The following APBB1IP variants were observed in gnomAD, a reference collection of about 807,000 sequenced individuals.
APBB1IP encodes the protein amyloid beta A4 precursor protein-binding family B member 1-interacting protein.
Under a neutral mutation model 64.9 loss-of-function variants are expected in APBB1IP, and 27 were observed. That is an observed-to-expected ratio of 0.42 (90% CI 0.31 to 0.57). APBB1IP has a LOEUF of 0.57. Ranked by LOEUF, APBB1IP falls within the 20% of genes least tolerant of loss-of-function variation. APBB1IP has a pLI of 0.20. For missense variants in APBB1IP, 812 were observed against 845.5 expected, an observed-to-expected ratio of 0.96 and a Z score of 0.49; for synonymous variants, 392 against 331.0, an observed-to-expected ratio of 1.18 and a Z score of -2.00.
intron 11 of APBB1IP, among the ~76,000 whole-genome samples, chr10:26,553,107 C>T (rs544120417): frequency 3.9e-5 from 6 of 151,988 alleles, no homozygotes; most frequent in African/African-American, 7.2e-5. Context: ...CTGCAACCTC[C>T]GCCTCCCAGG....
intron 11 of APBB1IP, among the ~76,000 whole-genome samples, chr10:26,548,528 A>G (rs1564375678): frequency 1.3e-5 from 2 of 151,306 alleles, no homozygotes; most frequent in African/African-American, 2.4e-5. Flanking sequence ...TTCTTTTATC[A>G]CTGTTTTATA....
intron 4 of APBB1IP, among the ~76,000 whole-genome samples, chr10:26,498,510 TA>T (rs1284976622): frequency 6.6e-6 from 1 of 152,082 alleles, no homozygotes; most frequent in African/African-American, 2.4e-5. Flanking sequence ...CTCTGTCAAA[TA>T]AATAAATAAA....
At chr10:26,484,860 T>C (rs987512040) in intron 2 of APBB1IP, among the ~76,000 whole-genome samples, 8 of 152,180 alleles carry the variant, frequency 5.3e-5, no homozygotes, top group African/African-American at 1.9e-4. Context: ...AAATTAGTTA[T>C]ATGATGTGAA....
intron 8 of APBB1IP, among the ~76,000 whole-genome samples, chr10:26,527,074 G>A (rs1023978052): frequency 6.6e-6 from 1 of 152,208 alleles, no homozygotes; most frequent in Non-Finnish European, 1.5e-5. Flanking sequence ...CCCACCAAGG[G>A]CAGTCTCTGA....
intron 11 of APBB1IP, among the ~76,000 whole-genome samples, chr10:26,546,740 G>A (rs1836769748): frequency 6.6e-6 from 1 of 152,020 alleles, no homozygotes; most frequent in African/African-American, 2.4e-5. Flanking sequence ...TTTTCTTTTA[G>A]ATTCCACATA....
At chr10:26,532,209 T>C (rs557448689) in intron 8 of APBB1IP, among the ~76,000 whole-genome samples, 3 of 152,326 alleles carry the variant, frequency 2.0e-5, no homozygotes, top group African/African-American at 7.2e-5. Context: ...TTAATACATT[T>C]GTTATGTATT....
rs529706456 is a variant in APBB1IP, at chr10:26,567,777, A to C, written c.*289A>C. On this transcript the variant is annotated 3_prime_UTR_variant, in exon 15 of 15. Transcript: ENST00000376236. ...TTATTTTATTATGTTCAGAAGCATC[A>C]AATAAAAGTTAAACGTTTTTCCGGA... 1.1e-5 allele frequency: 5 copies of C among 460,862 alleles called. No individual in the cohort carries two copies. In the East Asian group the frequency reaches 6.7e-4, roughly 61 times the overall value. The allele number at this position is 460,862 out of a possible 1,614,324, so 28.5% of individuals were successfully genotyped here.
chr10:26,459,143 T>G (rs1241934032), intron 2 of APBB1IP, among the ~76,000 whole-genome samples: 1 of 133,990 alleles, frequency 7.5e-6, no homozygotes, highest in Non-Finnish European at 1.5e-5. Context: ...CCTGTGTCCA[T>G]GTGTTCTCAT....
intron 2 of APBB1IP, among the ~76,000 whole-genome samples, chr10:26,477,453 G>T (rs1265800416): frequency 6.6e-6 from 1 of 152,172 alleles, no homozygotes; most frequent in Non-Finnish European, 1.5e-5. Flanking sequence ...AGAGTGGAAT[G>T]ATACTTCAAG....
intron 3 of APBB1IP, among the ~76,000 whole-genome samples, chr10:26,495,199 G>C (rs1205948666): frequency 6.6e-6 from 1 of 151,534 alleles, no homozygotes; most frequent in Non-Finnish European, 1.5e-5. Context: ...ATAGAGACGG[G>C]GTTTCACCAT....
At chr10:26,441,243 G>A (rs1428599782) in intron 2 of APBB1IP, among the ~76,000 whole-genome samples, 8 of 152,160 alleles carry the variant, frequency 5.3e-5, no homozygotes, top group Non-Finnish European at 1.0e-4. Flanking sequence ...AGATTTTAAA[G>A]TGTAAGATTT....
chr10:26,525,806 C>T (rs1054476759), intron 8 of APBB1IP, among the ~76,000 whole-genome samples: 4 of 152,134 alleles, frequency 2.6e-5, no homozygotes, highest in Non-Finnish European at 4.4e-5. Flanking sequence ...TTTTTGTGGA[C>T]AGTCGTGCAG....
chr10:26,498,691 C>T lies in APBB1IP; in HGVS notation c.161-2128C>T, dbSNP rs141336586. On this transcript the variant is annotated intron_variant, in intron 4 of 14. Transcript: ENST00000376236. ...ACTTAATTGTAGTCATCTCAACTAA[C>T]GCTTTCTAAGCACTAACTCAGTGCC... is the stretch of plus-strand genomic sequence containing the variant. Among the ~76,000 whole-genome samples, 13 of 152,286 alleles carry T rather than the reference C, an allele frequency of 8.5e-5. 1 individual carries two copies. The highest frequency in any genetic ancestry group is 5.8e-4 in the East Asian group (3 of 5,192).
chr10:26,501,827 A>T (rs779563509), intron 5 of APBB1IP: 1 of 152,270 alleles, frequency 6.6e-6, no homozygotes, highest in East Asian at 1.9e-4. Flanking sequence ...ACACTGTGTC[A>T]TGATGTTTGG....
chr10:26,542,074 C>CA lies in APBB1IP; in HGVS notation c.1155+390dup, dbSNP rs562805874. On this transcript the variant is annotated intron_variant, in intron 11 of 14. Coordinates refer to ENST00000376236, the MANE Select transcript of APBB1IP (RefSeq NM_019043.4). ...TCCTAGACAACTTATAGAAAATAGC[C>CA]AAAAAAAAGTTGTTTTAATTACTGG... is the stretch of plus-strand genomic sequence containing the variant. 2.2e-4 allele frequency among the ~76,000 whole-genome samples: 33 copies of CA among 151,538 alleles called. No homozygotes were observed. The East Asian group carries it at 5.4e-3, about 25-fold the overall frequency.
chr10:26,477,976 G>A (rs140325664), intron 2 of APBB1IP, among the ~76,000 whole-genome samples: 4 of 152,318 alleles, frequency 2.6e-5, no homozygotes, highest in African/African-American at 7.2e-5. Context: ...TTAACAAATA[G>A]TCACTCAGAG....
chr10:26,481,058 C>A (rs1835829095), intron 2 of APBB1IP, among the ~76,000 whole-genome samples: 1 of 151,928 alleles, frequency 6.6e-6, no homozygotes, highest in Admixed American at 6.6e-5. Flanking sequence ...CTTATATAGA[C>A]ACCCAAAGTA....
Position 26,484,717 on chromosome 10 carries a change from G to A in APBB1IP, c.1-7610G>A, listed in dbSNP as rs1835872093. Among the ~76,000 whole-genome samples the A allele has an allele frequency of 1.3e-5, 2 of 152,018 alleles. 1 individual carries two copies. The highest frequency in any genetic ancestry group is 4.1e-4 in the South Asian group (2 of 4,824). On this transcript the variant is annotated intron_variant, in intron 2 of 14. Transcript: ENST00000376236. ...CATATTTCACTTAATATATAAAATA[G>A]TACACTTTTATGACTAAATCTTTTA...
intron 11 of APBB1IP, among the ~76,000 whole-genome samples, chr10:26,549,602 T>C (rs1341511287): frequency 6.6e-6 from 1 of 152,048 alleles, no homozygotes; most frequent in Non-Finnish European, 1.5e-5. Context: ...TTTGCTAGTG[T>C]GTAATTATTT....
Sources: allele counts gnomAD v4.1 joint callset (sites outside exome capture counted in the v4.1 genomes callset), GRCh38; gene constraint gnomAD v4.1.1; transcripts MANE v1.5; gene names NCBI Gene and HGNC (gene_info 2026-07-23, HGNC 2026-07-21).